The following CACNA2D3 variants were observed in gnomAD, a reference collection of about 807,000 sequenced individuals.
The protein encoded by CACNA2D3 is calcium voltage-gated channel auxiliary subunit alpha2delta 3, also known as voltage-dependent calcium channel subunit alpha-2/delta-3.
CACNA2D3 carries 60 observed loss-of-function variants against 160.6 expected under a neutral mutation model. That is an observed-to-expected ratio of 0.37 (90% CI 0.30 to 0.46). The LOEUF (loss-of-function observed/expected upper bound fraction) is 0.46. CACNA2D3 is among the 20% of genes least tolerant of loss of function. CACNA2D3 has a pLI of 1.00. For missense variants in CACNA2D3, 1,205 were observed against 1,365.0 expected (o/e 0.88, Z 1.85); for synonymous variants, 558 against 492.9 (o/e 1.13, Z -1.75).
chr3:54,954,171 C>G (rs1465261567), intron 27 of CACNA2D3, among the ~76,000 whole-genome samples: 1 of 152,140 alleles, frequency 6.6e-6, no homozygotes, highest in East Asian at 1.9e-4. Context: ...GTCACCCAGT[C>G]GCATCTGGTC....
chr3:54,879,159 C>A, intron 19 of CACNA2D3, 70 bp downstream of exon 19: 1 of 1,060,062 alleles, frequency 9.4e-7, no homozygotes, highest in Middle Eastern at 2.1e-4. Flanking sequence ...GCTTTGAAAG[C>A]TATATCTGGA....
intron 11 of CACNA2D3, among the ~76,000 whole-genome samples, chr3:54,748,161 G>A (rs1397118254): frequency 2.6e-5 from 4 of 152,150 alleles, no homozygotes; most frequent in Non-Finnish European, 5.9e-5. Context: ...AGGGAGATGT[G>A]CAGGCAGCAG....
intron 2 of CACNA2D3, among the ~76,000 whole-genome samples, chr3:54,312,971 T>A (rs1703773527): frequency 6.6e-6 from 1 of 152,194 alleles, no homozygotes; most frequent in Admixed American, 6.5e-5. Flanking sequence ...GTCTGTTACA[T>A]CGAGACCTTC....
chr3:54,265,663 A>ATATATAGTGTGTATATATATAGTG (rs1702496098), intron 2 of CACNA2D3, among the ~76,000 whole-genome samples: 3 of 135,554 alleles, frequency 2.2e-5, no homozygotes, highest in Non-Finnish European at 3.3e-5. Context: ...TATAGTGTAT[A>ATATATAGTGTGTATATATATAGTG]TATATAGTGT....
chr3:55,073,937 G>A (rs983853080), intron 37 of CACNA2D3, 78 bp downstream of exon 37: 200 of 1,267,230 alleles, frequency 1.6e-4, no homozygotes, highest in Non-Finnish European at 2.1e-4. Context: ...AAGAACTACA[G>A]CTGAAAAGTT....
At chr3:54,734,310 A>G (rs552760397) in intron 11 of CACNA2D3, among the ~76,000 whole-genome samples, 3 of 152,326 alleles carry the variant, frequency 2.0e-5, no homozygotes, top group East Asian at 3.9e-4. Context: ...AAGTCAGGAC[A>G]TGCATATCAG....
intron 5 of CACNA2D3, among the ~76,000 whole-genome samples, chr3:54,543,062 A>G (rs1702006587): frequency 6.6e-6 from 1 of 152,134 alleles, no homozygotes; most frequent in South Asian, 2.1e-4. Flanking sequence ...TTCTCTTTAC[A>G]TTTGTGAGGA....
At chr3:55,054,056 C>A (rs1187501593) in intron 35 of CACNA2D3, among the ~76,000 whole-genome samples, 1 of 150,738 alleles carries the variant, frequency 6.6e-6, no homozygotes, top group Non-Finnish European at 1.5e-5. Context: ...TACTTTTAAG[C>A]TTTTTTTTGT....
chr3:54,405,857 A>G (rs1452580513), intron 4 of CACNA2D3, among the ~76,000 whole-genome samples: 8 of 151,924 alleles, frequency 5.3e-5, no homozygotes, highest in Middle Eastern at 3.4e-3. Flanking sequence ...CAATAGCAAA[A>G]AAAAAAATGA....
intron 5 of CACNA2D3, among the ~76,000 whole-genome samples, chr3:54,544,409 TAATG>T (rs1702029115): frequency 6.6e-6 from 1 of 151,002 alleles, no homozygotes; most frequent in Non-Finnish European, 1.5e-5. Flanking sequence ...TTTTTTTTTT[TAATG>T]TTTTTAAAGA....
Position 54,752,682 on chromosome 3 carries a change from GT to G in CACNA2D3, c.1246+6del. The G allele has an allele frequency of 6.2e-7, 1 of 1,609,190 alleles. No homozygotes were observed. Among genetic ancestry groups the G allele is most frequent in the Admixed American group, 1.7e-5 (1 of 59,862 alleles). ...GGATGGCCTGTGCCAACAAAGGTGG[GT>G]CTTCGCATTGTGCTCGGCTCTGAAT... On this transcript the variant is annotated splice_donor_region_variant and intron_variant, in intron 12 of 37. Coordinates refer to ENST00000474759, the MANE Select transcript of CACNA2D3 (RefSeq NM_018398.3).
chr3:54,809,257 T>C (rs923056260), intron 13 of CACNA2D3, among the ~76,000 whole-genome samples: 9 of 146,440 alleles, frequency 6.1e-5, no homozygotes, highest in African/African-American at 2.4e-4. Context: ...TCTTCCTTTC[T>C]TCCTTCCTTC....
At chr3:54,260,874 C>G (rs948538889) in intron 2 of CACNA2D3, among the ~76,000 whole-genome samples, 1 of 152,178 alleles carries the variant, frequency 6.6e-6, no homozygotes, top group Admixed American at 6.5e-5. Flanking sequence ...CTTGCCATAA[C>G]CAGGCAATCT....
chr3:54,530,773 A>G (rs977505082), intron 5 of CACNA2D3, among the ~76,000 whole-genome samples: 1 of 152,194 alleles, frequency 6.6e-6, no homozygotes, highest in Non-Finnish European at 1.5e-5. Flanking sequence ...TCGTATGCTC[A>G]ACCATATGCA....
At chr3:54,917,705 A>T (rs1700696340) in intron 27 of CACNA2D3, among the ~76,000 whole-genome samples, 1 of 152,144 alleles carries the variant, frequency 6.6e-6, no homozygotes, top group Non-Finnish European at 1.5e-5. Context: ...CCTTTTGGTA[A>T]TATCTGCCCC....
At position 55,022,567 on chromosome 3, in the gene CACNA2D3, TTTCCTTCC is replaced by T. The variant is rs72170562; in HGVS notation, c.2987+4265_2987+4272del. 4.0e-4 allele frequency among the ~76,000 whole-genome samples: 57 copies of T among 143,840 alleles called. No individual in the cohort carries two copies. In the East Asian group the frequency reaches 7.7e-3, roughly 20 times the overall value. 94.4% of individuals were successfully genotyped at this position (143,840 alleles called of 152,430 possible). The stretch of plus-strand genomic sequence containing the variant: ...CTTTCTTTCCTTCCTTCTTTCTTTC[TTTCCTTCC>T]TTCCTTCCTTCCTTTTTTCCTTCTT... On this transcript the variant is annotated intron_variant, in intron 35 of 37. Transcript: ENST00000474759.
At chr3:54,946,464 A>G (rs746006386) in intron 27 of CACNA2D3, among the ~76,000 whole-genome samples, 48 of 152,214 alleles carry the variant, frequency 3.2e-4, no homozygotes, top group Non-Finnish European at 5.0e-4. Flanking sequence ...AAGAGAATAT[A>G]GAGAGGGGAA....
chr3:54,130,326 C>A (rs1291459213), intron 2 of CACNA2D3, among the ~76,000 whole-genome samples: 4 of 152,180 alleles, frequency 2.6e-5, no homozygotes, highest in Non-Finnish European at 5.9e-5. Flanking sequence ...TTATGAGTAA[C>A]AGGTCAAGAG....
intron 16 of CACNA2D3, among the ~76,000 whole-genome samples, chr3:54,842,242 A>T (rs76012976): frequency 0.019 from 2,834 of 152,304 alleles, 31 homozygotes; most frequent in Middle Eastern, 0.044. Context: ...TTTCCTGGGG[A>T]GGATTTTAAC....
Sources: allele counts gnomAD v4.1 joint callset (sites outside exome capture counted in the v4.1 genomes callset), GRCh38; gene constraint gnomAD v4.1.1; transcripts MANE v1.5; gene names NCBI Gene and HGNC (gene_info 2026-07-23, HGNC 2026-07-21).